C7: variants seen among roughly 807,000 people sequenced by gnomAD.
C7 encodes complement C7.
In C7, 83 loss-of-function variants were observed where a neutral mutation model predicts 104.8. The observed-to-expected ratio is 0.79, with a 90% CI of 0.66 to 0.95. The LOEUF is 0.95. Ranked by LOEUF, C7 falls within the 40% of genes least tolerant of loss-of-function variation. The probability of loss-of-function intolerance (pLI) is 0.00; values close to 1 mark genes in which losing one functional copy is unlikely to be tolerated. For synonymous variants in C7, 415 were observed against 360.6 expected (o/e 1.15, Z -1.71); for missense variants, 1,070 against 1,011.2 (o/e 1.06, Z -0.79).
chr5:40,921,283 T>C (rs761531046), intron 1 of C7, among the ~76,000 whole-genome samples: 13 of 151,926 alleles, frequency 8.6e-5, no homozygotes, highest in Non-Finnish European at 1.8e-4. Context: ...AAAAATACTA[T>C]AAAACACTGA....
intron 15 of C7, among the ~76,000 whole-genome samples, chr5:40,974,421 ATTT>A (rs10560294): frequency 2.1e-5 from 3 of 143,060 alleles, no homozygotes; most frequent in Admixed American, 7.0e-5. Context: ...ATTATAATAC[ATTT>A]TTTTTTTTTG....
At chr5:40,963,227 G>A (rs1740459306) in intron 13 of C7, among the ~76,000 whole-genome samples, 2 of 152,156 alleles carry the variant, frequency 1.3e-5, no homozygotes, top group East Asian at 3.8e-4. Context: ...ATGACTCAGG[G>A]AACTTAAAAC....
At chr5:40,968,323 G>T (rs1408157404) in intron 14 of C7, among the ~76,000 whole-genome samples, 1 of 151,172 alleles carries the variant, frequency 6.6e-6, no homozygotes, top group Non-Finnish European at 1.5e-5. Flanking sequence ...ATGAGGTTTT[G>T]CCATGTTGGC....
chr5:40,949,961 A>C lies in C7; in HGVS notation c.1040A>C (p.Lys347Thr), dbSNP rs1233552680. The C allele has an allele frequency of 1.9e-6, 3 of 1,601,934 alleles. No individual in the cohort carries two copies. The highest frequency in any genetic ancestry group is 2.6e-6 in the Non-Finnish European group (3 of 1,173,682). ...CKSSGWHFVV[K>T]FSSHGCKELE... ...TCCTCAGGTTGGCATTTTGTCGTTA[A>C]ATTTTCAAGTCATGGATGCAAGGAA... Residue 347 changes from lysine (K) to threonine (T), a missense_variant, in exon 9 of 18, where the codon AAA becomes ACA. By Grantham distance (78) the Lys-to-Thr change is moderately conservative. Transcript: ENST00000313164.
intron 16 of C7, 28 bp downstream of exon 16, chr5:40,976,868 GT>G: frequency 6.7e-7 from 1 of 1,503,200 alleles, no homozygotes; most frequent in Non-Finnish European, 9.1e-7. Flanking sequence ...TCATTTCTCT[GT>G]TTTATTTTAT....
At chr5:40,974,387 G>A (rs796521118) in intron 15 of C7, among the ~76,000 whole-genome samples, 39 of 138,162 alleles carry the variant, frequency 2.8e-4, no homozygotes, top group African/African-American at 1.0e-3. Context: ...TAATTCTATC[G>A]TTTTTTTTTT....
chr5:40,931,994 G>A (rs1299141845), intron 3 of C7, among the ~76,000 whole-genome samples: 5 of 152,068 alleles, frequency 3.3e-5, no homozygotes, highest in Non-Finnish European at 5.9e-5. Flanking sequence ...TCTTGATCTC[G>A]TGATCCACCT....
intron 1 of C7, among the ~76,000 whole-genome samples, chr5:40,921,456 C>T (rs1260847912): frequency 1.3e-5 from 2 of 151,690 alleles, no homozygotes; most frequent in Non-Finnish European, 2.9e-5. Flanking sequence ...AGAAAAAATT[C>T]TAAAAATTTA....
At chr5:40,922,948 A>T (rs1405968316) in intron 1 of C7, among the ~76,000 whole-genome samples, 1 of 152,204 alleles carries the variant, frequency 6.6e-6, no homozygotes, top group Non-Finnish European at 1.5e-5. Flanking sequence ...TCAAAAACAC[A>T]GAAAACAAAA....
intron 9 of C7, among the ~76,000 whole-genome samples, chr5:40,952,868 C>A (rs1267649433): frequency 2.0e-5 from 3 of 152,186 alleles, no homozygotes; most frequent in Non-Finnish European, 4.4e-5. Flanking sequence ...AAGCTGGAAA[C>A]CATCATTCTT....
chr5:40,959,181 G>A (rs116357161), intron 11 of C7, among the ~76,000 whole-genome samples: 89 of 152,266 alleles, frequency 5.8e-4, no homozygotes, highest in African/African-American at 2.0e-3. Context: ...ATGATACAAC[G>A]TACGTAAAAG....
intron 14 of C7, among the ~76,000 whole-genome samples, chr5:40,970,768 C>G (rs981599596): frequency 1.1e-4 from 17 of 152,186 alleles, no homozygotes; most frequent in Admixed American, 9.2e-4. Context: ...TGCCCCCCAT[C>G]CCCTGACAGG....
chr5:40,924,429 A>T (rs1739508511), intron 1 of C7, among the ~76,000 whole-genome samples: 1 of 152,146 alleles, frequency 6.6e-6, no homozygotes, highest in African/African-American at 2.4e-5. Context: ...TGAGTGCCTA[A>T]AGCTTTTCCA....
intron 3 of C7, among the ~76,000 whole-genome samples, chr5:40,933,997 A>T (rs1579847146): frequency 6.8e-6 from 1 of 147,160 alleles, no homozygotes; most frequent in South Asian, 2.1e-4. Flanking sequence ...GTGCAGTGGC[A>T]TGATCTCAGC....
chr5:40,947,478 T>TA, intron 7 of C7, 124 bp from the exon 8 acceptor site: 2 of 1,087,322 alleles, frequency 1.8e-6, no homozygotes, highest in Non-Finnish European at 1.3e-6. Flanking sequence ...GCGTCAAAAA[T>TA]AAAAATTCTT....
chr5:40,919,807 A>T (rs1013891248), intron 1 of C7, among the ~76,000 whole-genome samples: 2 of 152,124 alleles, frequency 1.3e-5, no homozygotes, highest in African/African-American at 4.8e-5. Context: ...AAATGGAAAC[A>T]CAACATAGCA....
intron 15 of C7, among the ~76,000 whole-genome samples, chr5:40,973,421 T>C (rs930520939): frequency 6.6e-6 from 1 of 152,236 alleles, no homozygotes; most frequent in Non-Finnish European, 1.5e-5. Flanking sequence ...TTATTTTTAA[T>C]AGTGAGGATG....
At chr5:40,975,366 CTTTT>C (rs1162765793) in intron 15 of C7, among the ~76,000 whole-genome samples, 1 of 142,010 alleles carries the variant, frequency 7.0e-6, no homozygotes. Flanking sequence ...GAGAAGTGTG[CTTTT>C]TTTTTTTTTT....
At chr5:40,935,759 C>T (rs1425197280) in intron 4 of C7, among the ~76,000 whole-genome samples, 3 of 152,118 alleles carry the variant, frequency 2.0e-5, no homozygotes, top group South Asian at 2.1e-4. Flanking sequence ...TTCCTTGGTA[C>T]TCTAGATTTA....
Sources: allele counts gnomAD v4.1 joint callset (sites outside exome capture counted in the v4.1 genomes callset), GRCh38; gene constraint gnomAD v4.1.1; transcripts MANE v1.5; gene names NCBI Gene and HGNC (gene_info 2026-07-23, HGNC 2026-07-21).